Variants in SLC35D4 observed in about 807,000 individuals in gnomAD.
SLC35D4 encodes solute carrier family 35 member D4.
the SLC35D4 span, among the ~76,000 whole-genome samples, chr18:23,298,809 C>T: frequency 2.6e-5 from 4 of 152,232 alleles, no homozygotes; most frequent in South Asian, 8.3e-4. Flanking sequence ...TGGGGAGGGC[C>T]CCTTTTTCAG....
chr18:23,434,348 C>T, the SLC35D4 span, among the ~76,000 whole-genome samples: 2 of 152,262 alleles, frequency 1.3e-5, no homozygotes, highest in South Asian at 4.1e-4. Flanking sequence ...CAAAGCATTC[C>T]AAACCATTGT....
At chr18:23,251,274 G>A in the SLC35D4 span, among the ~76,000 whole-genome samples, 1 of 152,084 alleles carries the variant, frequency 6.6e-6, no homozygotes, top group South Asian at 2.1e-4. Context: ...CCAACATGGC[G>A]AACCCCCATT....
At chr18:23,326,305 C>T in the SLC35D4 span, among the ~76,000 whole-genome samples, 270 of 152,250 alleles carry the variant, frequency 1.8e-3, 8 homozygotes, top group East Asian at 0.049. Flanking sequence ...ATTCAGGAGA[C>T]CCATCTCACG....
the SLC35D4 span, among the ~76,000 whole-genome samples, chr18:23,351,501 G>A: frequency 4.9e-4 from 74 of 152,126 alleles, no homozygotes; most frequent in Admixed American, 2.0e-3. Context: ...AAATGTTTGA[G>A]GTTTTTTTTC....
At chr18:23,257,392 G>A in the SLC35D4 span, 5 of 1,564,496 alleles carry the variant, frequency 3.2e-6, no homozygotes, top group South Asian at 1.2e-5. Context: ...ACAGCCAAGG[G>A]CCATTTCTTC....
the SLC35D4 span, among the ~76,000 whole-genome samples, chr18:23,292,217 T>A: frequency 1.3e-5 from 2 of 152,218 alleles, no homozygotes; most frequent in Non-Finnish European, 2.9e-5. Context: ...CCTGACATTG[T>A]CTCTCAGGGT....
the SLC35D4 span, chr18:23,298,136 C>T: frequency 5.7e-6 from 9 of 1,584,626 alleles, no homozygotes; most frequent in Admixed American, 1.7e-5. Context: ...CGCCCACATA[C>T]GCAGGGCAAG....
the SLC35D4 span, among the ~76,000 whole-genome samples, chr18:23,328,201 C>T: frequency 6.6e-6 from 1 of 152,098 alleles, no homozygotes; most frequent in Non-Finnish European, 1.5e-5. Flanking sequence ...AAGTTCTGGC[C>T]AGGGCAATCA....
At chr18:23,253,867 G>A in the SLC35D4 span, 2 of 1,614,210 alleles carry the variant, frequency 1.2e-6, no homozygotes, top group African/African-American at 1.3e-5. Context: ...TGTGTGCTGG[G>A]GCATGTGTGC....
the SLC35D4 span, chr18:23,371,356 A>G: frequency 2.9e-5 from 39 of 1,335,402 alleles, no homozygotes; most frequent in Non-Finnish European, 3.9e-5. Context: ...TGGCCTCCCA[A>G]AGTGCTGGGA....
the SLC35D4 span, among the ~76,000 whole-genome samples, chr18:23,268,400 T>C: frequency 6.6e-6 from 1 of 152,116 alleles, no homozygotes; most frequent in Non-Finnish European, 1.5e-5. Context: ...CAAAGTGCGG[T>C]CTTAGTAGGG....
At chr18:23,344,621 A>G in the SLC35D4 span, among the ~76,000 whole-genome samples, 382 of 126,488 alleles carry the variant, frequency 3.0e-3, 1 homozygote, top group Non-Finnish European at 4.2e-3. Flanking sequence ...TTTTGTTTTG[A>G]GACAGAGTCT....
chr18:23,363,435 G>T, the SLC35D4 span, among the ~76,000 whole-genome samples: 2 of 134,908 alleles, frequency 1.5e-5, no homozygotes, highest in African/African-American at 5.7e-5. Flanking sequence ...AGTGCAGTGA[G>T]GCGATCTCAG....
the SLC35D4 span, among the ~76,000 whole-genome samples, chr18:23,351,858 A>G: frequency 6.6e-6 from 1 of 152,138 alleles, no homozygotes; most frequent in Non-Finnish European, 1.5e-5. Context: ...AAATGCCCCA[A>G]CCTGGCCATT....
the SLC35D4 span, among the ~76,000 whole-genome samples, chr18:23,435,919 C>T: frequency 6.6e-6 from 1 of 151,926 alleles, no homozygotes; most frequent in Non-Finnish European, 1.5e-5. Context: ...TGGTCTCAAA[C>T]TCCTGATTTC....
chr18:23,429,845 A>G, the SLC35D4 span, among the ~76,000 whole-genome samples: 1 of 151,932 alleles, frequency 6.6e-6, no homozygotes, highest in Admixed American at 6.6e-5. Context: ...CCCACTTTTA[A>G]AGGAATTATT....
chr18:23,253,953 C>T, the SLC35D4 span: 2 of 1,610,324 alleles, frequency 1.2e-6, no homozygotes, highest in Admixed American at 3.3e-5. Flanking sequence ...AGCCTTTTTC[C>T]TGGTGGCTGG....
At chr18:23,349,701 A>G in the SLC35D4 span, among the ~76,000 whole-genome samples, 1 of 152,376 alleles carries the variant, frequency 6.6e-6, no homozygotes, top group South Asian at 2.1e-4. Flanking sequence ...TTACCTTCTT[A>G]TAAGTGGTAC....
the SLC35D4 span, among the ~76,000 whole-genome samples, chr18:23,273,509 G>A: frequency 6.6e-6 from 1 of 152,226 alleles, no homozygotes; most frequent in Non-Finnish European, 1.5e-5. Context: ...GACACGGAAA[G>A]TGAACCAGCA....
Sources: gnomAD v4.1 joint callset for allele counts (sites outside exome capture counted in the v4.1 genomes callset) on GRCh38, gnomAD v4.1.1 for gene constraint, MANE v1.5 for transcripts, NCBI Gene and HGNC (gene_info 2026-07-23, HGNC 2026-07-21) for gene names.